Variants in ATXN1 observed in about 807,000 individuals in gnomAD.
ATXN1 encodes the protein ataxin-1.
A neutral mutation model predicts 56.4 loss-of-function variants in ATXN1; 8 were observed. The ratio of observed to expected loss-of-function variants is 0.14; its 90% CI spans 0.08 to 0.26. The LOEUF (loss-of-function observed/expected upper bound fraction) is 0.26. Among genes scored for constraint, ATXN1 ranks in the 10% least tolerant of loss-of-function variants. The pLI is 1.00. For synonymous variants in ATXN1, 514 were observed against 494.6 expected (o/e 1.04, Z -0.52); for missense variants, 987 against 1,106.5 (o/e 0.89, Z 1.53).
intron 6 of ATXN1, among the ~76,000 whole-genome samples, chr6:16,356,952 A>C (rs1020596252): frequency 3.9e-5 from 6 of 152,206 alleles, no homozygotes; most frequent in African/African-American, 1.4e-4. Flanking sequence ...AATATGGAGG[A>C]CTGTGGTGAC....
At chr6:16,644,714 T>A (rs1398712770) in intron 3 of ATXN1, among the ~76,000 whole-genome samples, 2 of 152,010 alleles carry the variant, frequency 1.3e-5, no homozygotes, top group African/African-American at 4.8e-5. Flanking sequence ...CTCTCCAAAG[T>A]GGGTGAGAGT....
At chr6:16,400,172 T>C (rs1265237239) in intron 6 of ATXN1, among the ~76,000 whole-genome samples, 2 of 152,220 alleles carry the variant, frequency 1.3e-5, no homozygotes, top group Non-Finnish European at 2.9e-5. Context: ...TGTCCTTCTA[T>C]TCACTCAGTA....
At chr6:16,405,829 C>A (rs138950337) in intron 6 of ATXN1, among the ~76,000 whole-genome samples, 1,819 of 152,188 alleles carry the variant, frequency 0.012, 14 homozygotes, top group Non-Finnish European at 0.015. Context: ...CAGTGCTCAG[C>A]TGAAGACATT....
intron 3 of ATXN1, among the ~76,000 whole-genome samples, chr6:16,638,265 G>A (rs1276435576): frequency 6.8e-6 from 1 of 147,616 alleles, no homozygotes; most frequent in African/African-American, 2.5e-5. Flanking sequence ...GCAACATAGT[G>A]AGACCCCCAT....
rs956193538 is a variant in ATXN1, at chr6:16,430,997, A to G, written c.-161+54975T>C. Among the ~76,000 whole-genome samples the G allele has an allele frequency of 4.6e-5, 7 of 151,942 alleles. No individual in the cohort carries two copies. The South Asian group carries it at 1.5e-3, about 32-fold the overall frequency. ...TTCTTGGCAGTCTTTACAACTGACA[A>G]CAGCAGAGCCCTCTCATGTTTCTAT... On this transcript the variant is annotated intron_variant, in intron 6 of 7. Coordinates refer to ENST00000436367, the MANE Select transcript of ATXN1 (RefSeq NM_001128164.2).
At chr6:16,731,454 C>CTTTTT (rs71559655) in intron 2 of ATXN1, among the ~76,000 whole-genome samples, 976 of 81,612 alleles carry the variant, frequency 0.012, 55 homozygotes, top group Middle Eastern at 0.038. Context: ...TTTTTCTTTT[C>CTTTTT]TTTTTTTTTT....
intron 2 of ATXN1, among the ~76,000 whole-genome samples, chr6:16,694,109 A>G (rs909100131): frequency 6.6e-6 from 1 of 152,246 alleles, no homozygotes; most frequent in African/African-American, 2.4e-5. Flanking sequence ...TTGTTTGAAC[A>G]AAAAATAACA....
chr6:16,694,363 C>T lies in ATXN1; in HGVS notation c.-614-36462G>A, dbSNP rs550036285. The stretch of plus-strand genomic sequence containing the variant: ...GCCGCCTCCTGGTTCTAGCAACTCT[C>T]CTGCCTCAGCCTCCCAAGTAGCTGG... On this transcript the variant is annotated intron_variant, in intron 2 of 7. Transcript: ENST00000436367. 4.2e-4 allele frequency among the ~76,000 whole-genome samples: 64 copies of T among 151,368 alleles called. No homozygotes were observed. In the South Asian group the frequency reaches 7.7e-3, roughly 18 times the overall value.
chr6:16,319,055 A>C (rs960877946), intron 7 of ATXN1, among the ~76,000 whole-genome samples: 1 of 152,032 alleles, frequency 6.6e-6, no homozygotes, highest in Non-Finnish European at 1.5e-5. Context: ...CGTCTCTACA[A>C]AAAAATAGAA....
intron 3 of ATXN1, among the ~76,000 whole-genome samples, chr6:16,648,376 C>T (rs1450002918): frequency 6.6e-6 from 1 of 152,184 alleles, no homozygotes; most frequent in Non-Finnish European, 1.5e-5. Context: ...AGTCTAATTG[C>T]CTTCCTGAGT....
intron 6 of ATXN1, among the ~76,000 whole-genome samples, chr6:16,405,161 C>T (rs912378928): frequency 1.1e-4 from 16 of 152,304 alleles, no homozygotes; most frequent in South Asian, 4.1e-4. Context: ...TCAGCACACA[C>T]GACAGAAAAT....
intron 5 of ATXN1, among the ~76,000 whole-genome samples, chr6:16,497,112 T>A (rs1760794910): frequency 2.0e-5 from 3 of 152,162 alleles, no homozygotes; most frequent in African/African-American, 7.2e-5. Flanking sequence ...ACAATGGAAT[T>A]CTCCCGGGAA....
At chr6:16,628,722 T>G (rs1242677875) in intron 3 of ATXN1, among the ~76,000 whole-genome samples, 1 of 152,204 alleles carries the variant, frequency 6.6e-6, no homozygotes, top group South Asian at 2.1e-4. Flanking sequence ...CAGTATTTAG[T>G]TTTTTGTTCC....
chr6:16,737,047 TCAAA>T, intron 2 of ATXN1: 1 of 152,192 alleles, frequency 6.6e-6, no homozygotes, highest in Non-Finnish European at 1.5e-5. Flanking sequence ...TATCTAACAG[TCAAA>T]CAAACCTTCA....
At chr6:16,697,907 G>T (rs1417782245) in intron 2 of ATXN1, among the ~76,000 whole-genome samples, 1 of 152,108 alleles carries the variant, frequency 6.6e-6, no homozygotes, top group African/African-American at 2.4e-5. Flanking sequence ...CTGCCCCATC[G>T]ACTAGGAAGA....
At chr6:16,307,400 G>A (rs905871074) in intron 7 of ATXN1, among the ~76,000 whole-genome samples, 1 of 152,176 alleles carries the variant, frequency 6.6e-6, no homozygotes, top group Non-Finnish European at 1.5e-5. Context: ...TGGGCACAGT[G>A]GCTCATGCCT....
chr6:16,409,684 C>T (rs1053498245), intron 6 of ATXN1, among the ~76,000 whole-genome samples: 5 of 151,438 alleles, frequency 3.3e-5, no homozygotes, highest in South Asian at 4.2e-4. Flanking sequence ...CTCGACTTGC[C>T]GTTTATGCAA....
chr6:16,426,570 T>C (rs1210125989), intron 6 of ATXN1, among the ~76,000 whole-genome samples: 1 of 151,462 alleles, frequency 6.6e-6, no homozygotes, highest in Non-Finnish European at 1.5e-5. Flanking sequence ...GGCCTGTGTG[T>C]GGTGGTGGGG....
At chr6:16,393,942 T>C (rs1388380154) in intron 6 of ATXN1, among the ~76,000 whole-genome samples, 1 of 149,990 alleles carries the variant, frequency 6.7e-6, no homozygotes, top group East Asian at 2.0e-4. Flanking sequence ...CTCCCTCCCC[T>C]AGTTTTAACC....
Sources: allele counts gnomAD v4.1 joint callset (sites outside exome capture counted in the v4.1 genomes callset), GRCh38; gene constraint gnomAD v4.1.1; transcripts MANE v1.5; gene names NCBI Gene and HGNC (gene_info 2026-07-23, HGNC 2026-07-21).